The following FEZ1 variants were observed in gnomAD, a reference collection of about 807,000 sequenced individuals.
FEZ1 encodes the protein fasciculation and elongation protein zeta 1.
Under a neutral mutation model 49.3 loss-of-function variants are expected in FEZ1, and 20 were observed. That is an observed-to-expected ratio of 0.41 (90% confidence interval 0.29 to 0.59). The LOEUF (loss-of-function observed/expected upper bound fraction) is 0.59, where lower values mean the gene tolerates loss of function less well. Ranked by LOEUF, FEZ1 falls within the 20% of genes least tolerant of loss-of-function variation. FEZ1 has a pLI of 0.36. For synonymous variants in FEZ1, 170 were observed against 180.9 expected (o/e 0.94, Z 0.48); for missense variants, 413 against 476.0 (o/e 0.87, Z 1.23).
intron 5 of FEZ1, among the ~76,000 whole-genome samples, chr11:125,457,646 G>A (rs1466201417): frequency 1.3e-5 from 2 of 151,514 alleles, no homozygotes; most frequent in Admixed American, 6.6e-5. Context: ...TAATTTTTGT[G>A]GGTACATAGG....
At position 125,446,199 on chromosome 11, in the gene FEZ1, G is replaced by C; in HGVS notation, c.1163-88C>G. The C allele has an allele frequency of 3.2e-6, 4 of 1,250,192 alleles. No individual in the cohort carries two copies. In the South Asian group the frequency reaches 4.8e-5, roughly 15 times the overall value. The allele number at this position is 1,250,192 out of a possible 1,614,324, so 77.4% of individuals were successfully genotyped here. A position where few individuals can be genotyped will look rare whatever the true frequency, so the allele number is the denominator to read the frequency against. On this transcript the variant is annotated intron_variant, in intron 9 of 9. Coordinates refer to ENST00000278919, the MANE Select transcript of FEZ1 (RefSeq NM_005103.5). ...CCCTGGATAGCCCTAGCTGAGAGCA[G>C]TCACACCAGCTCCTGAGTGGTGACA... is the stretch of plus-strand genomic sequence containing the variant.
intron 3 of FEZ1, among the ~76,000 whole-genome samples, chr11:125,472,211 C>T (rs1460175832): frequency 1.3e-5 from 2 of 151,840 alleles, no homozygotes; most frequent in Non-Finnish European, 2.9e-5. Context: ...GCAAATTAAA[C>T]TCCTACTAAG....
At chr11:125,456,286 G>A (rs1049453337) in intron 5 of FEZ1, 180 bp from the exon 6 acceptor site, 1 of 574,764 alleles carries the variant, frequency 1.7e-6, no homozygotes, top group Non-Finnish European at 3.0e-6. Flanking sequence ...GCGGGGGCCT[G>A]TGTACTGACT....
intron 9 of FEZ1, among the ~76,000 whole-genome samples, chr11:125,448,240 G>A (rs556744608): frequency 6.6e-6 from 1 of 152,328 alleles, no homozygotes; most frequent in African/African-American, 2.4e-5. Flanking sequence ...CCCAAACTCT[G>A]CAGAATTTTC....
chr11:125,453,967 A>T, intron 7 of FEZ1, 163 bp downstream of exon 7: 1 of 437,812 alleles, frequency 2.3e-6, no homozygotes, highest in Non-Finnish European at 4.0e-6. Flanking sequence ...TTTTAAAAAG[A>T]TATTCTCTGT....
intron 5 of FEZ1, chr11:125,456,350 G>T: frequency 2.3e-6 from 1 of 427,146 alleles, no homozygotes; most frequent in Non-Finnish European, 4.1e-6. Flanking sequence ...AACAGCCCAC[G>T]AGGAAGTCTG....
chr11:125,492,791 A>C (rs1332556056), intron 1 of FEZ1, among the ~76,000 whole-genome samples: 7 of 152,170 alleles, frequency 4.6e-5, no homozygotes, highest in South Asian at 2.1e-4. Context: ...GAAAGCATCC[A>C]ATAAATATCA....
At chr11:125,450,281 C>G (rs1357527111) in intron 8 of FEZ1, among the ~76,000 whole-genome samples, 1 of 152,120 alleles carries the variant, frequency 6.6e-6, no homozygotes, top group Admixed American at 6.5e-5. Context: ...CCACCCGCCT[C>G]GGCCTCCCAA....
rs75098662 is a variant in FEZ1 at position 125,493,739 on chromosome 11, G to C, written c.-46+2382C>G. The stretch of plus-strand genomic sequence containing the variant: ...CCTGGATCGTGGGTTCCATTTTACA[G>C]AGATATGAAAGCCAATCCGATAGTG... On this transcript the variant is annotated intron_variant, in intron 1 of 9. Transcript: ENST00000278919. Among the ~76,000 whole-genome samples, 1,140 of 152,286 alleles carry C rather than the reference G, an allele frequency of 7.5e-3. 14 individuals carry two copies. The highest frequency in any genetic ancestry group is 0.026 in the African/African-American group (1,092 of 41,548).
rs1956876336 is a variant in FEZ1, at chr11:125,444,155, C to G, written c.*1940G>C. ...AGTTGTCACTTCCATGCTCCTGTGG[C>G]AGCCGGGGCTCTATCTATGGAGAAG... On this transcript the variant is annotated 3_prime_UTR_variant, in exon 10 of 10. Coordinates refer to ENST00000278919, the MANE Select transcript of FEZ1 (RefSeq NM_005103.5). 6.6e-6 allele frequency among the ~76,000 whole-genome samples: 1 copy of G among 152,118 alleles called. No homozygotes were observed. Among genetic ancestry groups the G allele is most frequent in the South Asian group, 2.1e-4 (1 of 4,834 alleles).
chr11:125,495,720 G>A lies in FEZ1; in HGVS notation c.-46+401C>T. 2.9e-6 allele frequency: 1 copy of A among 346,072 alleles called. No individual in the cohort carries two copies. Among genetic ancestry groups the A allele is most frequent in the Non-Finnish European group, 5.6e-6 (1 of 177,804 alleles). The allele number at this position is 346,072 out of a possible 1,614,324, so 21.4% of individuals were successfully genotyped here. A position where few individuals can be genotyped will look rare whatever the true frequency, so the allele number is the denominator to read the frequency against. ...CCCACTGCCCCAGCGCGATCGGGCG[G>A]CGTTCCCTTCTTCCCCCAGCCCCCA... is the stretch of plus-strand genomic sequence containing the variant. On this transcript the variant is annotated intron_variant, in intron 1 of 9. Transcript: ENST00000278919. This position sits in a 1 kb window ranked among gnomAD's most constrained non-coding sequence, Gnocchi z 4.2.
rs199927302 is a variant in FEZ1 at position 125,481,826 on chromosome 11, C to T, written c.312-193G>A. 217 of 594,662 alleles carry T rather than the reference C, an allele frequency of 3.6e-4. 4 individuals carry two copies. In the East Asian group the frequency reaches 5.8e-3, roughly 16 times the overall value. 36.8% of individuals were successfully genotyped at this position (594,662 alleles called of 1,614,324 possible). A position where few individuals can be genotyped will look rare whatever the true frequency, so the allele number is the denominator to read the frequency against. On this transcript the variant is annotated intron_variant, in intron 2 of 9. Coordinates refer to ENST00000278919, the MANE Select transcript of FEZ1 (RefSeq NM_005103.5). ...CATCCAGGGGAGAAAGTGCATGGAG[C>T]TTGGCCAGGGGCTTCAGTGTGAAAG... is the stretch of plus-strand genomic sequence containing the variant.
chr11:125,460,553 G>T lies in FEZ1; in HGVS notation c.612C>A (p.Leu204=). 1 of 1,614,178 alleles carries T rather than the reference G, an allele frequency of 6.2e-7. No homozygotes were observed. Among genetic ancestry groups the T allele is most frequent in the Non-Finnish European group, 8.5e-7 (1 of 1,180,042 alleles). ...GTGTCAATGCCTGCATCTCCTGCAG[G>T]AGGACCGAGTCTGCCTGGGAGGAAG... ...GETSSQADSV[L]LQEMQALTQT... is the part of the protein sequence containing the mutation. Residue 204 remains leucine (L), a synonymous_variant, in exon 5 of 10, where the codon CTC becomes CTA. Transcript: ENST00000278919.
intron 2 of FEZ1, among the ~76,000 whole-genome samples, chr11:125,483,002 A>AAT (rs1957297805): frequency 6.7e-6 from 1 of 149,652 alleles, no homozygotes; most frequent in African/African-American, 2.5e-5. Context: ...AAAAAAAAAA[A>AAT]AACTAAAATA....
rs1349406210 is a variant in FEZ1, at chr11:125,445,553, CCTT to C, written c.*539_*541del. Among the ~76,000 whole-genome samples the C allele has an allele frequency of 6.6e-6, 1 of 152,192 alleles. No homozygotes were observed. Among genetic ancestry groups the C allele is most frequent in the African/African-American group, 2.4e-5 (1 of 41,436 alleles). ...CAAAAACTGAGGTTGCAGAGGGTCT[CCTT>C]CTGCCTATGCTGTATGCAGCCCCAC... On this transcript the variant is annotated 3_prime_UTR_variant, in exon 10 of 10. Coordinates refer to ENST00000278919, the MANE Select transcript of FEZ1 (RefSeq NM_005103.5). This position sits in a 1 kb window ranked among gnomAD's most constrained non-coding sequence, Gnocchi z 4.4.
At position 125,444,282 on chromosome 11, in the gene FEZ1, G is replaced by C. The variant is rs1304007521; in HGVS notation, c.*1813C>G. On this transcript the variant is annotated 3_prime_UTR_variant, in exon 10 of 10. Transcript: ENST00000278919. ...CCCTAGCTAAGATTGCTAGTGTTCT[G>C]CTTCTGGAAAAGCAGAAGCCGAGCT... Among the ~76,000 whole-genome samples, 3 of 152,280 alleles carry C rather than the reference G, an allele frequency of 2.0e-5. No individual in the cohort carries two copies. The East Asian group carries it at 5.8e-4, about 29-fold the overall frequency.
chr11:125,472,478 C>T (rs61210903), intron 3 of FEZ1, among the ~76,000 whole-genome samples: 2,350 of 151,968 alleles, frequency 0.015, 53 homozygotes, highest in African/African-American at 0.05. Context: ...AAATTATAAA[C>T]AAATGAATGT....
chr11:125,464,373 G>T (rs1469626305), intron 3 of FEZ1, among the ~76,000 whole-genome samples: 2 of 152,226 alleles, frequency 1.3e-5, no homozygotes, highest in East Asian at 3.8e-4. Context: ...CCACAGAAAA[G>T]TTAATCACTA....
chr11:125,473,441 C>T (rs1390973966), intron 3 of FEZ1, among the ~76,000 whole-genome samples: 1 of 152,116 alleles, frequency 6.6e-6, no homozygotes, highest in East Asian at 1.9e-4. Context: ...AGCCAAGGAG[C>T]TCAAGACCAA....
Sources: allele counts gnomAD v4.1 joint callset (sites outside exome capture counted in the v4.1 genomes callset), GRCh38; gene constraint gnomAD v4.1.1; non-coding constraint Gnocchi (gnomAD v3.1); transcripts MANE v1.5; gene names NCBI Gene and HGNC (gene_info 2026-07-23, HGNC 2026-07-21).